TENM1: variants seen among roughly 807,000 people sequenced by gnomAD.
The protein encoded by TENM1 is teneurin-1.
In TENM1, 35 loss-of-function variants were observed where a neutral mutation model predicts 174.8. The ratio of observed to expected loss-of-function variants is 0.20; its 90% confidence interval spans 0.15 to 0.27. TENM1 has a LOEUF of 0.27. Ranked by LOEUF, TENM1 falls within the 10% of genes least tolerant of loss-of-function variation. The pLI is 1.00. For synonymous variants in TENM1, 781 were observed against 798.7 expected (o/e 0.98, Z 0.37); for missense variants, 1,633 against 2,130.1 (o/e 0.77, Z 4.59).
At chrX:124,970,043 A>G in the TENM1 span, among the ~76,000 whole-genome samples, 1 of 111,678 alleles carries the variant, frequency 9.0e-6, no homozygotes, top group Non-Finnish European at 1.9e-5. Context: ...CTTCTCACAC[A>G]TACTCCAATC....
the TENM1 span, among the ~76,000 whole-genome samples, chrX:125,020,492 G>GT: frequency 1.7e-4 from 18 of 104,300 alleles, no homozygotes; most frequent in East Asian, 1.8e-3. Context: ...TTTCCTGGAT[G>GT]TTTTTTTTTT....
intron 3 of TENM1, among the ~76,000 whole-genome samples, chrX:124,751,126 C>T (rs1260525687): frequency 9.0e-6 from 1 of 111,520 alleles, no homozygotes; most frequent in Non-Finnish European, 1.9e-5. Context: ...GATGGGCTTG[C>T]TTTAAAAAGA....
chrX:124,697,708 T>C (rs1444969398), intron 5 of TENM1, among the ~76,000 whole-genome samples: 1 of 111,658 alleles, frequency 9.0e-6, no homozygotes, highest in African/African-American at 3.2e-5. Flanking sequence ...CATTTTAACA[T>C]AAATGACACA....
intron 8 of TENM1, among the ~76,000 whole-genome samples, chrX:124,647,990 A>T (rs1430489793): frequency 1.8e-5 from 2 of 111,641 alleles, no homozygotes; most frequent in Non-Finnish European, 3.8e-5. Context: ...ACTGAACAAT[A>T]AGAGTGAGAA....
chrX:124,597,340 G>T (rs1028727894), intron 11 of TENM1, among the ~76,000 whole-genome samples: 1 of 112,173 alleles, frequency 8.9e-6, no homozygotes, highest in African/African-American at 3.2e-5. Context: ...ATAATACTCA[G>T]CCATAAAAAG....
At chrX:124,907,025 A>C (rs2147623204) in intron 1 of TENM1, among the ~76,000 whole-genome samples, 1 of 111,548 alleles carries the variant, frequency 9.0e-6, no homozygotes, top group South Asian at 3.8e-4. Flanking sequence ...ATATATACAT[A>C]TGTAAAATTT....
the TENM1 span, among the ~76,000 whole-genome samples, chrX:125,044,203 A>T: frequency 1.7e-4 from 10 of 60,484 alleles, no homozygotes; most frequent in Non-Finnish European, 2.4e-4. Context: ...GATTAAAAAT[A>T]AAAAAAAATA....
chrX:124,563,141 T>G (rs1168811555), intron 13 of TENM1, among the ~76,000 whole-genome samples: 1 of 110,387 alleles, frequency 9.1e-6, no homozygotes, highest in Non-Finnish European at 1.9e-5. Flanking sequence ...AAAGAATAAT[T>G]TGGGACATAT....
At chrX:124,396,085 G>A (rs892331296) in intron 27 of TENM1, among the ~76,000 whole-genome samples, 2 of 111,398 alleles carry the variant, frequency 1.8e-5, no homozygotes, top group Admixed American at 9.5e-5. Flanking sequence ...GACGTCTGCC[G>A]CTGTGCTTCT....
At chrX:124,853,579 T>C (rs1416024701) in intron 3 of TENM1, among the ~76,000 whole-genome samples, 2 of 110,708 alleles carry the variant, frequency 1.8e-5, no homozygotes, top group Non-Finnish European at 3.8e-5. Flanking sequence ...AGAGGGGACT[T>C]CATGATTGAT....
chrX:124,640,793 T>A lies in TENM1; in HGVS notation c.2077+998A>T, dbSNP rs972277550. Among the ~76,000 whole-genome samples, 3 of 109,554 alleles carry A rather than the reference T, an allele frequency of 2.7e-5. No homozygotes were observed. In the Admixed American group the frequency reaches 2.9e-4, roughly 11 times the overall value. On this transcript the variant is annotated intron_variant, in intron 11 of 31. Coordinates refer to ENST00000422452, the Ensembl canonical transcript of TENM1. ...GGCTAACACGGTGAAACCCCATCTCTACTAAAAATACAAAAAAATTAGCCG... is the reference window on the plus strand; with the variant it reads ...GGCTAACACGGTGAAACCCCATCTCAACTAAAAATACAAAAAAATTAGCCG...
chrX:125,201,508 A>G, the TENM1 span, among the ~76,000 whole-genome samples: 3 of 111,720 alleles, frequency 2.7e-5, no homozygotes, highest in African/African-American at 9.8e-5. Flanking sequence ...CATGTATGCA[A>G]AAATATTTGT....
the TENM1 span, among the ~76,000 whole-genome samples, chrX:124,995,789 G>A: frequency 9.0e-6 from 1 of 111,477 alleles, no homozygotes; most frequent in Admixed American, 9.6e-5. Context: ...ATGTAGTGCT[G>A]TTATAAGCAT....
At chrX:124,381,962 T>G (rs1463163610) in intron 31 of TENM1, among the ~76,000 whole-genome samples, 2 of 111,644 alleles carry the variant, frequency 1.8e-5, no homozygotes, top group African/African-American at 6.5e-5. Context: ...GATGAATTTA[T>G]AGGACCTATC....
intron 22 of TENM1, among the ~76,000 whole-genome samples, chrX:124,480,820 TAC>T (rs770532429): frequency 3.4e-4 from 38 of 110,211 alleles, no homozygotes; most frequent in Admixed American, 4.8e-4. Context: ...TGCATGCAGA[TAC>T]ACACACACAC....
At chrX:124,531,077 G>A (rs2148073194) in intron 15 of TENM1, among the ~76,000 whole-genome samples, 1 of 106,873 alleles carries the variant, frequency 9.4e-6, no homozygotes, top group Admixed American at 1.0e-4. Flanking sequence ...TGGCAGGGTT[G>A]AGGAAGGTTG....
chrX:125,079,704 A>AT, the TENM1 span, among the ~76,000 whole-genome samples: 2 of 111,209 alleles, frequency 1.8e-5, no homozygotes, highest in African/African-American at 3.3e-5. Flanking sequence ...CCATTATGTG[A>AT]TTTTTCATGG....
chrX:124,651,114 T>C (rs760302342), intron 8 of TENM1, among the ~76,000 whole-genome samples: 2 of 112,174 alleles, frequency 1.8e-5, no homozygotes, highest in African/African-American at 6.5e-5. Flanking sequence ...TCTTGTCTTT[T>C]AAAAGACATG....
the TENM1 span, among the ~76,000 whole-genome samples, chrX:125,086,087 C>CA: frequency 9.1e-6 from 1 of 109,939 alleles, no homozygotes; most frequent in South Asian, 3.8e-4. Flanking sequence ...CCATTTTTTC[C>CA]AAGAATTATT....
Sources: gnomAD v4.1 joint callset for allele counts (sites outside exome capture counted in the v4.1 genomes callset) on GRCh38, gnomAD v4.1.1 for gene constraint, MANE v1.5 for transcripts, NCBI Gene and HGNC (gene_info 2026-07-23, HGNC 2026-07-21) for gene names.